Variants in HDAC9 observed in about 807,000 individuals in gnomAD.
HDAC9 encodes histone deacetylase 9.
A neutral mutation model predicts 139.4 loss-of-function variants in HDAC9; 41 were observed. That is an observed-to-expected ratio of 0.29 (90% confidence interval 0.23 to 0.38). HDAC9 has a LOEUF of 0.38. HDAC9 is among the 10% of genes least tolerant of loss of function. The pLI is 1.00. For missense variants in HDAC9, 1,147 were observed against 1,297.0 expected (o/e 0.88, Z 1.78); for synonymous variants, 517 against 476.2 (o/e 1.09, Z -1.12).
At position 18,874,584 on chromosome 7, in the gene HDAC9, G is replaced by A. The variant is rs1348859351; in HGVS notation, c.2791G>A (p.Val931Met). ...CACCCCTCCTCTAGGAGGGTACAAA[G>A]TGACGGCAAAATGTAAGTACCTCTT... Reference protein sequence around the residue: ...GHTPPLGGYKVTAKCFGHLTK... With the variant: ...GHTPPLGGYKMTAKCFGHLTK... Residue 931 changes from valine (V) to methionine (M), a missense_variant, in exon 22 of 26, where the codon GTG (valine) becomes ATG (methionine). Physicochemically the swap from Val to Met is conservative, Grantham distance 21 (BLOSUM62 1). This residue lies in a region of HDAC9 where 407 missense variants were observed against 521.5 expected (regional missense o/e 0.78). Coordinates refer to ENST00000686413, the MANE Select transcript of HDAC9 (RefSeq NM_178425.4). 2 of 1,579,328 alleles carry A rather than the reference G, an allele frequency of 1.3e-6. No homozygotes were observed. Among genetic ancestry groups the A allele is most frequent in the East Asian group, 2.3e-5 (1 of 43,744 alleles).
chr7:18,558,294 C>T (rs74903489), intron 2 of HDAC9, among the ~76,000 whole-genome samples: 2,808 of 152,076 alleles, frequency 0.018, 94 homozygotes, highest in African/African-American at 0.064. Context: ...AGTGTATTTC[C>T]GGTTATTGGT....
intron 2 of HDAC9, among the ~76,000 whole-genome samples, chr7:18,568,841 A>G (rs1186228475): frequency 6.6e-6 from 1 of 152,046 alleles, no homozygotes; most frequent in African/African-American, 2.4e-5. Context: ...TGAGGTTGGG[A>G]GTTCGAGACC....
intron 12 of HDAC9, among the ~76,000 whole-genome samples, chr7:18,705,191 G>A (rs1178109): frequency 0.2 from 30,671 of 152,096 alleles, 3,111 homozygotes; most frequent in East Asian, 0.27. Flanking sequence ...GGATTTCTCA[G>A]CCTAAGCACT....
intron 2 of HDAC9, among the ~76,000 whole-genome samples, chr7:18,206,040 A>C (rs1384331773): frequency 6.6e-6 from 1 of 152,174 alleles, no homozygotes; most frequent in Non-Finnish European, 1.5e-5. Context: ...AATAGTTAAA[A>C]TTTTGAATAG....
chr7:18,151,631 C>G (rs1786788772), intron 1 of HDAC9: 1 of 152,204 alleles, frequency 6.6e-6, no homozygotes, highest in Non-Finnish European at 1.5e-5. Flanking sequence ...AGAGTTCCCT[C>G]TTCTGGCAGG....
chr7:18,780,844 C>A (rs1791188990), intron 16 of HDAC9, among the ~76,000 whole-genome samples: 1 of 152,042 alleles, frequency 6.6e-6, no homozygotes, highest in Admixed American at 6.6e-5. Flanking sequence ...GCCTAGGACA[C>A]TTGCACTAGC....
chr7:18,231,337 G>A (rs1316754737), intron 2 of HDAC9, among the ~76,000 whole-genome samples: 1 of 152,160 alleles, frequency 6.6e-6, no homozygotes, highest in East Asian at 1.9e-4. Flanking sequence ...ATAGGCAGTG[G>A]CATCTGCGTT....
chr7:18,485,535 TGTTA>T (rs1422880651), intron 1 of HDAC9, among the ~76,000 whole-genome samples: 1 of 151,382 alleles, frequency 6.6e-6, no homozygotes, highest in African/African-American at 2.4e-5. Flanking sequence ...TTATAGCTGA[TGTTA>T]GTTCGGCAAT....
intron 2 of HDAC9, among the ~76,000 whole-genome samples, chr7:18,208,819 A>T (rs971832644): frequency 6.6e-6 from 1 of 152,250 alleles, no homozygotes; most frequent in Non-Finnish European, 1.5e-5. Flanking sequence ...ATGAAAAATA[A>T]AGAGAGACTG....
At chr7:18,529,621 G>A (rs977544769) in intron 2 of HDAC9, among the ~76,000 whole-genome samples, 3 of 152,210 alleles carry the variant, frequency 2.0e-5, no homozygotes, top group Admixed American at 6.5e-5. Context: ...TGTGTATTTC[G>A]TGTATTTATG....
In HDAC9 at chr7:18,705,244, C is replaced by G. The variant is rs558180491; in HGVS notation, c.1732-22336C>G. On this transcript the variant is annotated intron_variant, in intron 12 of 25. Transcript: ENST00000686413. ...GCCAAAATGTCAGCCCCTTGATTCC[C>G]CATTGCGGGAGCTCTTCTGTTCATT... 3.1e-4 allele frequency among the ~76,000 whole-genome samples: 47 copies of G among 152,264 alleles called. No homozygotes were observed. The Middle Eastern group carries it at 0.01, about 33-fold the overall frequency.
Position 18,680,759 on chromosome 7 carries a change from C to T in HDAC9, c.1731+14283C>T, listed in dbSNP as rs113221825. The stretch of plus-strand genomic sequence containing the variant: ...ATTAGCCCAATCACGTGCCAGCCTT[C>T]GGGCATGTCACTCTGGACCTCTGAG... On this transcript the variant is annotated intron_variant, in intron 12 of 25. Transcript: ENST00000686413. 9.7e-3 allele frequency among the ~76,000 whole-genome samples: 1,475 copies of T among 152,092 alleles called. 20 individuals carry two copies. Among genetic ancestry groups the T allele is most frequent in the African/African-American group, 0.034 (1,402 of 41,518 alleles).
intron 1 of HDAC9, chr7:18,325,583 TC>T (rs1800376561): frequency 1.3e-5 from 2 of 152,142 alleles, no homozygotes; most frequent in South Asian, 4.1e-4. Context: ...TACCTCAGCC[TC>T]CCAAACAGGT....
intron 2 of HDAC9, among the ~76,000 whole-genome samples, chr7:18,215,309 G>A (rs1257599503): frequency 2.6e-5 from 4 of 152,168 alleles, no homozygotes; most frequent in Non-Finnish European, 5.9e-5. Context: ...TAGTTCTAGA[G>A]AAAGTCCCGG....
At chr7:18,578,121 A>T in intron 2 of HDAC9, 1 of 518,894 alleles carries the variant, frequency 1.9e-6, no homozygotes, top group Non-Finnish European at 3.8e-6. Context: ...TAGCAGCTGC[A>T]GGGAACTGTG....
At chr7:18,146,227 T>A (rs1322865746) in intron 1 of HDAC9, among the ~76,000 whole-genome samples, 1 of 152,212 alleles carries the variant, frequency 6.6e-6, no homozygotes, top group Non-Finnish European at 1.5e-5. Flanking sequence ...ATTTCTTACA[T>A]CACTGTTTCT....
At chr7:18,150,427 TG>T (rs1786688666) in intron 1 of HDAC9, among the ~76,000 whole-genome samples, 1 of 152,190 alleles carries the variant, frequency 6.6e-6, no homozygotes, top group Non-Finnish European at 1.5e-5. Context: ...TAGAAGCGCT[TG>T]TATTGACAAA....
intron 1 of HDAC9, among the ~76,000 whole-genome samples, chr7:18,353,511 A>G (rs1355590710): frequency 6.6e-6 from 1 of 152,196 alleles, no homozygotes; most frequent in Non-Finnish European, 1.5e-5. Context: ...CTCTGAGGAT[A>G]GTTATTAATG....
chr7:18,207,042 TCTCC>T (rs1791567575), intron 2 of HDAC9, among the ~76,000 whole-genome samples: 1 of 151,924 alleles, frequency 6.6e-6, no homozygotes, highest in Non-Finnish European at 1.5e-5. Context: ...TTCAAGTGAT[TCTCC>T]AGCCCCAGCC....
Sources: gnomAD v4.1 joint callset for allele counts (sites outside exome capture counted in the v4.1 genomes callset) on GRCh38, gnomAD v4.1.1 for gene constraint, gnomAD v4.1.1 regional missense constraint, MANE v1.5 for transcripts, NCBI Gene and HGNC (gene_info 2026-07-23, HGNC 2026-07-21) for gene names.